Variants in SMARCC1 observed in about 807,000 individuals in gnomAD.
The protein encoded by SMARCC1 is SWI/SNF related BAF chromatin remodeling complex subunit C1.
In SMARCC1, 43 loss-of-function variants were observed where a neutral mutation model predicts 147.4. The observed-to-expected ratio is 0.29, with a 90% CI of 0.23 to 0.38. SMARCC1 has a LOEUF of 0.38. Ranked by LOEUF, SMARCC1 falls within the 10% of genes least tolerant of loss-of-function variation. The pLI, the probability that SMARCC1 is intolerant of heterozygous loss-of-function variation, is 1.00. For missense variants in SMARCC1, 1,119 were observed against 1,381.1 expected, an observed-to-expected ratio of 0.81 and a Z score of 3.01; for synonymous variants, 495 against 484.4, an observed-to-expected ratio of 1.02 and a Z score of -0.29.
In SMARCC1 at chr3:47,587,822, T is replaced by C. The variant is rs1279304126; in HGVS notation, c.*387A>G. On this transcript the variant is annotated 3_prime_UTR_variant, in exon 28 of 28. Coordinates refer to ENST00000254480, the MANE Select transcript of SMARCC1 (RefSeq NM_003074.4). ...TAACAGAAAGATAAAAAGATAATGA[T>C]TATATAGCATTATCCATAGAAGCAT... The C allele has an allele frequency of 1.1e-5, 2 of 177,526 alleles. No homozygotes were observed. The highest frequency in any genetic ancestry group is 1.4e-4 in the South Asian group (1 of 7,226). The allele number at this position is 177,526 out of a possible 1,614,324, so 11.0% of individuals were successfully genotyped here. A position where few individuals can be genotyped will look rare whatever the true frequency, so the allele number is the denominator to read the frequency against.
intron 25 of SMARCC1, 62 bp downstream of exon 25, chr3:47,622,145 T>C: frequency 1.4e-6 from 2 of 1,455,172 alleles, no homozygotes. Flanking sequence ...ATCTAACTTG[T>C]TTTGTGAAAA....
At chr3:47,742,592 T>C (rs186384508) in intron 3 of SMARCC1, among the ~76,000 whole-genome samples, 1 of 152,308 alleles carries the variant, frequency 6.6e-6, no homozygotes, top group East Asian at 1.9e-4. Context: ...CTGTAATCTC[T>C]CTTTCTGTTT....
rs547830905 is a variant in SMARCC1 at position 47,638,858 on chromosome 3, C to T, written c.2321-78G>A. 6.1e-6 allele frequency: 6 copies of T among 980,334 alleles called. No individual in the cohort carries two copies. The East Asian group carries it at 1.4e-4, about 23-fold the overall frequency. 60.7% of individuals were successfully genotyped at this position (980,334 alleles called of 1,614,324 possible). A position where few individuals can be genotyped will look rare whatever the true frequency, so the allele number is the denominator to read the frequency against. ...TATTATTATACAGCTGTGAGAGTGTCTGAAATACAAATATATACAGTAATA... is the reference window on the plus strand; with the variant it reads ...TATTATTATACAGCTGTGAGAGTGTTTGAAATACAAATATATACAGTAATA... On this transcript the variant is annotated intron_variant, in intron 21 of 27. Coordinates refer to ENST00000254480, the MANE Select transcript of SMARCC1 (RefSeq NM_003074.4).
At chr3:47,661,266 C>G in intron 21 of SMARCC1, 28 bp downstream of exon 21, 1 of 1,583,254 alleles carries the variant, frequency 6.3e-7, no homozygotes. Context: ...TATATTAACC[C>G]TGTCCCTTAA....
chr3:47,663,600 T>G (rs377094533), intron 19 of SMARCC1: 2 of 1,475,882 alleles, frequency 1.4e-6, no homozygotes, highest in African/African-American at 1.4e-5. Context: ...TTTCTCCTGC[T>G]GCTGTGGCCC....
Position 47,661,375 on chromosome 3 carries a change from C to T in SMARCC1, c.2239G>A (p.Ala747Thr), listed in dbSNP as rs201462120. ...HVKKVQEAAR[A>T]SGKVDPTYGL... is the part of the protein sequence containing the mutation. ...TAGGTGGGATCCACTTTCCCAGAGG[C>T]TCGTGCTGCTTCTTGTACTTTCTTG... Residue 747 changes from alanine to threonine, a missense_variant, in exon 21 of 28, where the codon GCC (alanine) becomes ACC (threonine). By Grantham distance (58) the Ala-to-Thr change is moderately conservative. Coordinates refer to ENST00000254480, the MANE Select transcript of SMARCC1 (RefSeq NM_003074.4). 1.4e-4 allele frequency: 230 copies of T among 1,613,908 alleles called. 3 individuals are homozygous for T. In the East Asian group the frequency reaches 3.9e-3, roughly 27 times the overall value.
intron 26 of SMARCC1, among the ~76,000 whole-genome samples, chr3:47,609,504 A>AG (rs2032531803): frequency 2.8e-5 from 4 of 145,308 alleles, no homozygotes; most frequent in Non-Finnish European, 6.3e-5. Context: ...CTCAAAAAAA[A>AG]AAAAAAGACT....
At chr3:47,766,749 G>A (rs776336616) in intron 2 of SMARCC1, among the ~76,000 whole-genome samples, 4 of 151,496 alleles carry the variant, frequency 2.6e-5, no homozygotes, top group Non-Finnish European at 5.9e-5. Flanking sequence ...AATTTTTTTT[G>A]TTTCAAATCA....
chr3:47,724,320 A>T (rs1418471724), intron 6 of SMARCC1, among the ~76,000 whole-genome samples: 1 of 152,258 alleles, frequency 6.6e-6, no homozygotes, highest in African/African-American at 2.4e-5. Context: ...ATACAGGCAC[A>T]TGCTATGACA....
At chr3:47,670,400 C>T (rs1016540611) in intron 19 of SMARCC1, 4 of 463,690 alleles carry the variant, frequency 8.6e-6, no homozygotes, top group Admixed American at 3.8e-5. Flanking sequence ...GCCTGGACAA[C>T]ATGGTGAAAG....
At chr3:47,684,581 C>T (rs1038625762) in intron 14 of SMARCC1, among the ~76,000 whole-genome samples, 3 of 151,892 alleles carry the variant, frequency 2.0e-5, no homozygotes, top group Admixed American at 6.6e-5. Context: ...GATGGGATTA[C>T]AGGCACCCAC....
Position 47,588,018 on chromosome 3 carries a change from T to C in SMARCC1, c.*191A>G, listed in dbSNP as rs1041069044. The stretch of plus-strand genomic sequence containing the variant: ...GTCACTACAGGTTTCCCCTTGAGTG[T>C]TGGCTGAGGACCCAACACAAAAAGT... On this transcript the variant is annotated 3_prime_UTR_variant, in exon 28 of 28. Coordinates refer to ENST00000254480, the MANE Select transcript of SMARCC1 (RefSeq NM_003074.4). 2 of 576,800 alleles carry C rather than the reference T, an allele frequency of 3.5e-6. No homozygotes were observed. Among genetic ancestry groups the C allele is most frequent in the East Asian group, 3.0e-5 (1 of 33,420 alleles). The allele number at this position is 576,800 out of a possible 1,614,324, so 35.7% of individuals were successfully genotyped here.
chr3:47,777,008 A>G (rs1050625729), intron 1 of SMARCC1, among the ~76,000 whole-genome samples: 1 of 151,836 alleles, frequency 6.6e-6, no homozygotes, highest in African/African-American at 2.4e-5. Context: ...TCCCAACCTC[A>G]GATGATCCGC....
At chr3:47,685,202 G>C (rs1377942205) in intron 14 of SMARCC1, among the ~76,000 whole-genome samples, 1 of 151,956 alleles carries the variant, frequency 6.6e-6, no homozygotes, top group Non-Finnish European at 1.5e-5. Flanking sequence ...AACTGATACG[G>C]ATACTAAATG....
chr3:47,615,887 T>C (rs1025499736), intron 25 of SMARCC1, among the ~76,000 whole-genome samples: 1 of 152,160 alleles, frequency 6.6e-6, no homozygotes, highest in African/African-American at 2.4e-5. Flanking sequence ...TTTCACAATG[T>C]TGGCCAGGCT....
rs1267789327 is a variant in SMARCC1, at chr3:47,633,773, TATATATACACACACACACACACAC to T, written c.2646+1393_2646+1416del. On this transcript the variant is annotated intron_variant, in intron 24 of 27. Coordinates refer to ENST00000254480, the MANE Select transcript of SMARCC1 (RefSeq NM_003074.4). The stretch of plus-strand genomic sequence containing the variant: ...AAAAAAAAAAAAAAAAATATATATA[TATATATACACACACACACACACAC>T]ACACACACACACACACACACATATA... Among the ~76,000 whole-genome samples the T allele has an allele frequency of 1.7e-3, 23 of 13,218 alleles. 4 individuals are homozygous for T. Among genetic ancestry groups the T allele is most frequent in the Non-Finnish European group, 3.2e-3 (6 of 1,850 alleles). 8.7% of individuals were successfully genotyped at this position (13,218 alleles called of 152,430 possible). A position where few individuals can be genotyped will look rare whatever the true frequency, so the allele number is the denominator to read the frequency against.
chr3:47,651,024 G>T (rs1239191239), intron 21 of SMARCC1, among the ~76,000 whole-genome samples: 1 of 152,098 alleles, frequency 6.6e-6, no homozygotes, highest in Non-Finnish European at 1.5e-5. Context: ...TCAGACTCAG[G>T]CCAGGTGTGG....
chr3:47,734,740 T>A (rs955232933), intron 5 of SMARCC1, among the ~76,000 whole-genome samples: 4 of 152,126 alleles, frequency 2.6e-5, no homozygotes, highest in African/African-American at 9.7e-5. Flanking sequence ...CTAGTACATG[T>A]GTATCAAGAC....
chr3:47,653,107 G>A (rs553886105), intron 21 of SMARCC1, among the ~76,000 whole-genome samples: 2 of 152,084 alleles, frequency 1.3e-5, no homozygotes, highest in African/African-American at 2.4e-5. Context: ...ACAGGCGCCC[G>A]CCACCGCGCC....
Sources: allele counts gnomAD v4.1 joint callset (sites outside exome capture counted in the v4.1 genomes callset), GRCh38; gene constraint gnomAD v4.1.1; transcripts MANE v1.5; gene names NCBI Gene and HGNC (gene_info 2026-07-23, HGNC 2026-07-21).